PIK3CB: variants seen among roughly 807,000 people sequenced by gnomAD.
PIK3CB encodes phosphatidylinositol-4,5-bisphosphate 3-kinase catalytic subunit beta.
A neutral mutation model predicts 136.8 loss-of-function variants in PIK3CB; 39 were observed. The ratio of observed to expected loss-of-function variants is 0.29; its 90% CI spans 0.22 to 0.37. The LOEUF (loss-of-function observed/expected upper bound fraction) is 0.37, where lower values mean the gene tolerates loss of function less well. Ranked by LOEUF, PIK3CB falls within the 10% of genes least tolerant of loss-of-function variation. The pLI, the probability that PIK3CB is intolerant of heterozygous loss-of-function variation, is 1.00. For synonymous variants in PIK3CB, 428 were observed against 436.6 expected (o/e 0.98, Z 0.25); for missense variants, 868 against 1,275.4 (o/e 0.68, Z 4.87).
chr3:138,778,739 C>T, intron 2 of PIK3CB: 1 of 264,306 alleles, frequency 3.8e-6, no homozygotes, highest in South Asian at 4.6e-5. Flanking sequence ...CTTTGTCAAG[C>T]TCATTTCCTG....
chr3:138,655,181 T>A lies in PIK3CB; in HGVS notation c.*208A>T. On this transcript the variant is annotated 3_prime_UTR_variant, in exon 24 of 24. Coordinates refer to ENST00000674063, the MANE Select transcript of PIK3CB (RefSeq NM_006219.3). ...GATTATCCATTGACAGTTTTCATGATAAGTCTTGGAAGCATTCAAAAAGCA... is the reference window on the plus strand; with the variant it reads ...GATTATCCATTGACAGTTTTCATGAAAAGTCTTGGAAGCATTCAAAAAGCA... 2.0e-6 allele frequency: 1 copy of A among 511,926 alleles called. No individual in the cohort carries two copies. The highest frequency in any genetic ancestry group is 1.9e-5 in the African/African-American group (1 of 51,590). 31.7% of individuals were successfully genotyped at this position (511,926 alleles called of 1,614,324 possible).
chr3:138,792,920 C>T (rs540949347), intron 2 of PIK3CB, among the ~76,000 whole-genome samples: 12 of 152,236 alleles, frequency 7.9e-5, no homozygotes, highest in African/African-American at 2.2e-4. Context: ...CAATATTACA[C>T]GTGTGTGCCA....
chr3:138,733,577 C>T lies in PIK3CB; in HGVS notation c.973-139G>A, dbSNP rs991491137. 4 of 517,954 alleles carry T rather than the reference C, an allele frequency of 7.7e-6. No homozygotes were observed. The African/African-American group carries it at 7.8e-5, about 10-fold the overall frequency. 32.1% of individuals were successfully genotyped at this position (517,954 alleles called of 1,614,324 possible). On this transcript the variant is annotated intron_variant, in intron 7 of 23. Coordinates refer to ENST00000674063, the MANE Select transcript of PIK3CB (RefSeq NM_006219.3). ...GCTCTAAACTAACAACTGAAAGTCACATATACTAAATTAAGCATTGACCGG... is the reference window on the plus strand; with the variant it reads ...GCTCTAAACTAACAACTGAAAGTCATATATACTAAATTAAGCATTGACCGG...
chr3:138,748,514 T>C (rs2045407845), intron 4 of PIK3CB, among the ~76,000 whole-genome samples: 1 of 152,226 alleles, frequency 6.6e-6, no homozygotes, highest in Non-Finnish European at 1.5e-5. Context: ...TACAAACCTA[T>C]GGATATACTA....
chr3:138,689,239 C>T (rs2043957621), intron 15 of PIK3CB, among the ~76,000 whole-genome samples: 1 of 152,106 alleles, frequency 6.6e-6, no homozygotes, highest in South Asian at 2.1e-4. Flanking sequence ...AGCTAGATGT[C>T]GCTAGGTGAC....
Position 138,779,154 on chromosome 3 carries a change from C to T in PIK3CB, c.-17+17309G>A, listed in dbSNP as rs1324478181. 3.4e-5 allele frequency among the ~76,000 whole-genome samples: 5 copies of T among 148,922 alleles called. 1 individual carries two copies. The highest frequency in any genetic ancestry group is 4.2e-4 in the South Asian group (2 of 4,724). On this transcript the variant is annotated intron_variant, in intron 2 of 23. Transcript: ENST00000674063. Reference sequence around the variant, plus strand: ...AGGCTGAAGTACAGTGGCATGATCTCGGCATACTGCAAGCTCTGCCTCCTG... The same window carrying T: ...AGGCTGAAGTACAGTGGCATGATCTTGGCATACTGCAAGCTCTGCCTCCTG...
At chr3:138,741,360 C>T (rs963784000) in intron 5 of PIK3CB, among the ~76,000 whole-genome samples, 8 of 152,150 alleles carry the variant, frequency 5.3e-5, no homozygotes, top group Non-Finnish European at 8.8e-5. Context: ...AAGACAACAA[C>T]GCTTGTAAGG....
chr3:138,661,429 A>C (rs189056313), intron 21 of PIK3CB, among the ~76,000 whole-genome samples: 1 of 152,298 alleles, frequency 6.6e-6, no homozygotes, highest in Non-Finnish European at 1.5e-5. Flanking sequence ...AGTCACTGCC[A>C]CTTCTCTATC....
At chr3:138,779,693 C>T (rs1457324729) in intron 2 of PIK3CB, among the ~76,000 whole-genome samples, 1 of 109,840 alleles carries the variant, frequency 9.1e-6, no homozygotes, top group Admixed American at 1.1e-4. Flanking sequence ...TGCACCTGGC[C>T]AAATTTTTTT....
At chr3:138,734,830 A>G (rs1468868344) in intron 6 of PIK3CB, 26 bp from the exon 7 acceptor site, 3 of 1,517,894 alleles carry the variant, frequency 2.0e-6, no homozygotes, top group Non-Finnish European at 1.8e-6. Flanking sequence ...AGGGGAAGGT[A>G]TTGATTTTCA....
chr3:138,774,820 G>A (rs1017118900), intron 2 of PIK3CB, among the ~76,000 whole-genome samples: 2 of 152,176 alleles, frequency 1.3e-5, no homozygotes, highest in African/African-American at 4.8e-5. Context: ...TCCAGGCTTT[G>A]AATTCTTTTA....
At chr3:138,761,946 A>G (rs1166970553) in intron 2 of PIK3CB, among the ~76,000 whole-genome samples, 2 of 150,000 alleles carry the variant, frequency 1.3e-5, no homozygotes, top group African/African-American at 4.9e-5. Flanking sequence ...TCTCAAAAAA[A>G]AAAAACCAAC....
chr3:138,746,669 ATAAAT>A (rs937575620), intron 4 of PIK3CB, among the ~76,000 whole-genome samples: 5 of 152,046 alleles, frequency 3.3e-5, no homozygotes, highest in Non-Finnish European at 5.9e-5. Context: ...TCAAAAATAA[ATAAAT>A]TAATTAATTA....
chr3:138,690,723 C>CAAAA (rs533393475), intron 15 of PIK3CB, among the ~76,000 whole-genome samples: 5 of 84,644 alleles, frequency 5.9e-5, no homozygotes, highest in African/African-American at 2.1e-4. Context: ...AAAACACACA[C>CAAAA]AAAAAAAAAA....
chr3:138,832,390 C>G (rs1198677190), intron 1 of PIK3CB, among the ~76,000 whole-genome samples: 2 of 151,930 alleles, frequency 1.3e-5, no homozygotes, highest in Non-Finnish European at 2.9e-5. Context: ...CCAGTTTAAA[C>G]CTTTAAGATT....
At chr3:138,815,370 A>AAAAAAACAC (rs1933279638) in intron 1 of PIK3CB, among the ~76,000 whole-genome samples, 1 of 146,038 alleles carries the variant, frequency 6.8e-6, no homozygotes, top group Non-Finnish European at 1.5e-5. Flanking sequence ...AAAAAAAAAA[A>AAAAAAACAC]AAAAACTAGT....
At chr3:138,807,977 G>A (rs989202463) in intron 1 of PIK3CB, among the ~76,000 whole-genome samples, 1 of 151,206 alleles carries the variant, frequency 6.6e-6, no homozygotes, top group East Asian at 1.9e-4. Context: ...TCATAAACTC[G>A]AGGGTTTTTT....
At chr3:138,757,670 TAGGAAAAGAGGGAGGGAGGG>T (rs2045597122) in intron 3 of PIK3CB, among the ~76,000 whole-genome samples, 1 of 51,178 alleles carries the variant, frequency 2.0e-5, no homozygotes, top group South Asian at 7.1e-4. Context: ...GGAGGGGAGG[TAGGAAAAGAGGGAGGGAGGG>T]AGGAAGAGAG....
chr3:138,726,144 C>T (rs2044831235), intron 8 of PIK3CB, among the ~76,000 whole-genome samples: 1 of 152,154 alleles, frequency 6.6e-6, no homozygotes, highest in South Asian at 2.1e-4. Context: ...TGAGACTTGG[C>T]TAATGGAATA....
Sources: allele counts gnomAD v4.1 joint callset (sites outside exome capture counted in the v4.1 genomes callset), GRCh38; gene constraint gnomAD v4.1.1; transcripts MANE v1.5; gene names NCBI Gene and HGNC (gene_info 2026-07-23, HGNC 2026-07-21).